The following CAD variants were observed in gnomAD, a reference collection of about 807,000 sequenced individuals.
CAD encodes the protein carbamoyl-phosphate synthetase 2, aspartate transcarbamylase, and dihydroorotase.
In CAD, 81 loss-of-function variants were observed where a neutral mutation model predicts 237.2. The observed-to-expected ratio is 0.34, with a 90% CI of 0.29 to 0.41. CAD has a LOEUF of 0.41. Ranked by LOEUF, CAD falls within the 10% of genes least tolerant of loss-of-function variation. CAD has a pLI of 1.00. For missense variants in CAD, 2,181 were observed against 2,951.7 expected, an observed-to-expected ratio of 0.74 and a Z score of 6.05; for synonymous variants, 1,196 against 1,162.8, an observed-to-expected ratio of 1.03 and a Z score of -0.58.
chr2:27,238,475 C>T lies in CAD; in HGVS notation c.4905C>T (p.Thr1635=), dbSNP rs1488467139. The T allele has an allele frequency of 6.2e-7, 1 of 1,606,552 alleles. No homozygotes were observed. The highest frequency in any genetic ancestry group is 2.2e-5 in the East Asian group (1 of 44,812). Residue 1635 remains threonine, a synonymous_variant, in exon 31 of 44, where the codon ACC becomes ACT. Transcript: ENST00000264705. ...KAAKARGLPV[T]CEVAPHHLFL... Reference sequence around the variant, plus strand: ...CAAAGGCACGGGGCTTGCCAGTGACCTGCGAGGTGGCTCCCCACCACCTGT... The same window carrying T: ...CAAAGGCACGGGGCTTGCCAGTGACTTGCGAGGTGGCTCCCCACCACCTGT...
At position 27,240,134 on chromosome 2, in the gene CAD, GGGAGGCTGA is replaced by G; in HGVS notation, c.5497-128_5497-120del. ...TGCACATCTGTAATCCCAGCTACTT[GGGAGGCTGA>G]GGCAGGAGAATTGCTTGAACCCAGA... On this transcript the variant is annotated intron_variant, in intron 34 of 43. Coordinates refer to ENST00000264705, the MANE Select transcript of CAD (RefSeq NM_004341.5). The surrounding 1 kb of genome is among the most constrained non-coding windows in gnomAD (Gnocchi z 4.6). 1.3e-6 allele frequency: 1 copy of G among 753,192 alleles called. No individual in the cohort carries two copies. 46.7% of individuals were successfully genotyped at this position (753,192 alleles called of 1,614,324 possible). A position where few individuals can be genotyped will look rare whatever the true frequency, so the allele number is the denominator to read the frequency against.
intron 8 of CAD, 33 bp from the exon 9 acceptor site, chr2:27,224,312 T>G: frequency 6.2e-7 from 1 of 1,613,370 alleles, no homozygotes; most frequent in Non-Finnish European, 8.5e-7. Context: ...CCAGCTCAGC[T>G]CTAACATTCT....
rs1675354475 is a variant in CAD at position 27,224,867 on chromosome 2, T to C, written c.1377T>C (p.Tyr459=). 1 of 1,614,174 alleles carries C rather than the reference T, an allele frequency of 6.2e-7. No homozygotes were observed. Among genetic ancestry groups the C allele is most frequent in the Middle Eastern group, 1.6e-4 (1 of 6,062 alleles). The change falls in exon 10 of 44, where the codon TAT becomes TAC. Residue 459 remains tyrosine, a synonymous_variant. Coordinates refer to ENST00000264705, the MANE Select transcript of CAD (RefSeq NM_004341.5). The part of the protein sequence containing the change: ...KVYFLPITPH[Y]VTQVIRNERP... ...ATTTTCTTCCCATAACACCTCATTATGTAACCCAGGTATGACTGGGGCAAG... is the reference window on the plus strand; with the variant it reads ...ATTTTCTTCCCATAACACCTCATTACGTAACCCAGGTATGACTGGGGCAAG...
chr2:27,240,198 G>A lies in CAD; in HGVS notation c.5497-67G>A, dbSNP rs549477127. The stretch of plus-strand genomic sequence containing the variant: ...CACGCCACTGCACTCCAGCCTGAGC[G>A]ACAGAACGAGACTCCGTCTCAAAAG... On this transcript the variant is annotated intron_variant, in intron 34 of 43. Transcript: ENST00000264705. The surrounding 1 kb of genome is among the most constrained non-coding windows in gnomAD (Gnocchi z 4.6). 166 of 1,237,320 alleles carry A rather than the reference G, an allele frequency of 1.3e-4. No individual in the cohort carries two copies. Among genetic ancestry groups the A allele is most frequent in the Middle Eastern group, 6.2e-4 (3 of 4,868 alleles). 76.6% of individuals were successfully genotyped at this position (1,237,320 alleles called of 1,614,324 possible). A position where few individuals can be genotyped will look rare whatever the true frequency, so the allele number is the denominator to read the frequency against.
rs377103397 is a variant in CAD at position 27,242,930 on chromosome 2, G to T, written c.6437G>T (p.Arg2146Leu). Residue 2146 changes from arginine (R) to leucine (L), a missense_variant, in exon 42 of 44, where the codon CGA becomes CTA. Transcript: ENST00000264705. This position sits in a 1 kb window ranked among gnomAD's most constrained non-coding sequence, Gnocchi z 6.4. ...LPDTDVLYMTRIQKERFGSTQ... is the reference protein window; with the variant it reads ...LPDTDVLYMTLIQKERFGSTQ... ...GACACTGATGTGCTCTACATGACTC[G>T]AATCCAGAAGGAACGATTTGGCTCT... is the stretch of plus-strand genomic sequence containing the variant. 50 of 1,609,536 alleles carry T rather than the reference G, an allele frequency of 3.1e-5. No individual in the cohort carries two copies. Among genetic ancestry groups the T allele is most frequent in the Non-Finnish European group, 4.1e-5 (48 of 1,176,364 alleles).
intron 8 of CAD, 63 bp from the exon 9 acceptor site, chr2:27,224,282 A>G: frequency 6.3e-7 from 1 of 1,581,958 alleles, no homozygotes; most frequent in Non-Finnish European, 8.7e-7. Flanking sequence ...GAGGGAGCTA[A>G]TCCAGTTGAC....
rs1163095939 is a variant in CAD at position 27,238,557 on chromosome 2, G to C, written c.4987G>C (p.Glu1663Gln). Reference protein sequence around the residue: ...LGPGKGEVRPELGSRQDVEAL... With the variant: ...LGPGKGEVRPQLGSRQDVEAL... ...GCCTGGGAAGGGGGAGGTCCGGCCTGAGCTTGGCTCCCGCCAGGATGTGGA... is the reference window on the plus strand; with the variant it reads ...GCCTGGGAAGGGGGAGGTCCGGCCTCAGCTTGGCTCCCGCCAGGATGTGGA... The change falls in exon 31 of 44, where the codon GAG (glutamate) becomes CAG (glutamine). Residue 1663 changes from glutamate (E) to glutamine (Q), a missense_variant. Glu to Gln is a conservative substitution (Grantham distance 29). Coordinates refer to ENST00000264705, the MANE Select transcript of CAD (RefSeq NM_004341.5). 1.2e-6 allele frequency: 2 copies of C among 1,614,140 alleles called. No individual in the cohort carries two copies. The highest frequency in any genetic ancestry group is 1.7e-6 in the Non-Finnish European group (2 of 1,180,018).
Position 27,241,589 on chromosome 2 carries a change from A to C in CAD, c.5883+193A>C, listed in dbSNP as rs1196370633. Among the ~76,000 whole-genome samples the C allele has an allele frequency of 1.3e-5, 2 of 152,104 alleles. No individual in the cohort carries two copies. The highest frequency in any genetic ancestry group is 4.8e-5 in the African/African-American group (2 of 41,394). On this transcript the variant is annotated intron_variant, in intron 38 of 43. Transcript: ENST00000264705. The surrounding 1 kb of genome is among the most constrained non-coding windows in gnomAD (Gnocchi z 4.6). ...CAAAGCAGGATTTAGCTGGCTGGGG[A>C]GGCCCTGAGCATGAGACCATCGCCC...
chr2:27,217,532 C>T lies in CAD; in HGVS notation c.-20C>T, dbSNP rs370291092. On this transcript the variant is annotated 5_prime_UTR_variant, in exon 1 of 44. Coordinates refer to ENST00000264705, the MANE Select transcript of CAD (RefSeq NM_004341.5). ...CTTCCCGCTTCTCCGTACTCGCCCC[C>T]GCCTCTGAGCTCCCTTCCCATGGCG... 8.2e-6 allele frequency: 13 copies of T among 1,591,712 alleles called. No homozygotes were observed. The highest frequency in any genetic ancestry group is 1.7e-4 in the Middle Eastern group (1 of 5,832).
At chr2:27,231,181 T>C (rs1203607623) in intron 15 of CAD, among the ~76,000 whole-genome samples, 1 of 152,220 alleles carries the variant, frequency 6.6e-6, no homozygotes, top group Non-Finnish European at 1.5e-5. Context: ...AATTTTTTTG[T>C]ATTTTTAGTA....
At position 27,235,613 on chromosome 2, in the gene CAD, T is replaced by G; in HGVS notation, c.4047T>G (p.Ala1349=). The G allele has an allele frequency of 6.2e-7, 1 of 1,614,174 alleles. No individual in the cohort carries two copies. Among genetic ancestry groups the G allele is most frequent in the Non-Finnish European group, 8.5e-7 (1 of 1,180,000 alleles). Residue 1349 remains alanine, a synonymous_variant, in exon 25 of 44, where the codon GCT becomes GCG. Coordinates refer to ENST00000264705, the MANE Select transcript of CAD (RefSeq NM_004341.5). This position sits in a 1 kb window ranked among gnomAD's most constrained non-coding sequence, Gnocchi z 5.2. ...GYSLYASLGT[A]DFYTEHGVKV... is the part of the protein sequence containing the mutation. The stretch of plus-strand genomic sequence containing the variant: ...GCCTCTATGCCAGTCTCGGCACAGC[T>G]GACTTCTACACTGAGCATGGCGTCA...
chr2:27,240,465 T>C lies in CAD; in HGVS notation c.5593+104T>C. Reference sequence around the variant, plus strand: ...TTACATGTCCTCCTCTCCATCCCTTTATCCTCGTCTGATCTGCCGTGCCAT... The same window carrying C: ...TTACATGTCCTCCTCTCCATCCCTTCATCCTCGTCTGATCTGCCGTGCCAT... On this transcript the variant is annotated intron_variant, in intron 35 of 43. Transcript: ENST00000264705. This position sits in a 1 kb window ranked among gnomAD's most constrained non-coding sequence, Gnocchi z 4.6. The C allele has an allele frequency of 1.4e-6, 2 of 1,479,306 alleles. No homozygotes were observed. The highest frequency in any genetic ancestry group is 9.4e-7 in the Non-Finnish European group (1 of 1,063,736). 91.6% of individuals were successfully genotyped at this position (1,479,306 alleles called of 1,614,324 possible). A position where few individuals can be genotyped will look rare whatever the true frequency, so the allele number is the denominator to read the frequency against.
intron 23 of CAD, 115 bp downstream of exon 23, chr2:27,234,800 G>C: frequency 1.0e-6 from 1 of 1,004,266 alleles, no homozygotes; most frequent in Non-Finnish European, 1.5e-6. Context: ...TTGCCGGATC[G>C]TGGGGGTAAT....
In CAD at chr2:27,239,519, C is replaced by A; in HGVS notation, c.5394+48C>A. Reference sequence around the variant, plus strand: ...ATCTCAGTAGTGCCCTCTTCTGCACCACGTTCATTTCTTCCCTTCCCAGCA... The same window carrying A: ...ATCTCAGTAGTGCCCTCTTCTGCACAACGTTCATTTCTTCCCTTCCCAGCA... On this transcript the variant is annotated intron_variant, in intron 33 of 43. Coordinates refer to ENST00000264705, the MANE Select transcript of CAD (RefSeq NM_004341.5). The surrounding 1 kb of genome is among the most constrained non-coding windows in gnomAD (Gnocchi z 4.0). 1 of 1,593,572 alleles carries A rather than the reference C, an allele frequency of 6.3e-7. No homozygotes were observed. The highest frequency in any genetic ancestry group is 8.6e-7 in the Non-Finnish European group (1 of 1,165,182).
In CAD at chr2:27,226,312, C is replaced by T. The variant is rs768714634; in HGVS notation, c.2024C>T (p.Ser675Phe). The part of the protein sequence containing the change: ...CNVQYALNPE[S>F]EQYYIIEVNA... ...GTGCAGTATGCCTTGAACCCTGAGTCTGAGCAGGTAAGCTCTAGGCCCTGG... is the reference window on the plus strand; with the variant it reads ...GTGCAGTATGCCTTGAACCCTGAGTTTGAGCAGGTAAGCTCTAGGCCCTGG... Residue 675 changes from serine to phenylalanine, a missense_variant, in exon 13 of 44, where the codon TCT becomes TTT. Physicochemically the swap from Ser to Phe is radical, Grantham distance 155 (BLOSUM62 -2). This residue lies in a region of CAD where 385 missense variants were observed against 535.1 expected (regional missense o/e 0.72). Coordinates refer to ENST00000264705, the MANE Select transcript of CAD (RefSeq NM_004341.5). 3.1e-6 allele frequency: 5 copies of T among 1,614,006 alleles called. No homozygotes were observed. In the South Asian group the frequency reaches 5.5e-5, roughly 18 times the overall value.
At chr2:27,226,712 G>T (rs957646880) in intron 14 of CAD, 63 bp downstream of exon 14, 1 of 1,606,120 alleles carries the variant, frequency 6.2e-7, no homozygotes, top group African/African-American at 1.3e-5. Context: ...AAATATTGAT[G>T]GGACAGGGAA....
chr2:27,226,249 AGG>A lies in CAD; in HGVS notation c.1962_1963del (p.Lys654AsnfsTer20). 1 of 1,614,236 alleles carries A rather than the reference AGG, an allele frequency of 6.2e-7. No individual in the cohort carries two copies. The highest frequency in any genetic ancestry group is 8.5e-7 in the Non-Finnish European group (1 of 1,180,034). ...CAGCTCCTGAGGCAGACAGCTATCAAGGTGACCCAGCACCTGGGAATTGTTGG... is the reference window on the plus strand; with the variant it reads ...CAGCTCCTGAGGCAGACAGCTATCAATGACCCAGCACCTGGGAATTGTTGG... On this transcript the variant is annotated frameshift_variant, in exon 13 of 44. Transcript: ENST00000264705. LOFTEE classifies it high-confidence loss of function.
In CAD at chr2:27,223,547, A is replaced by G. The variant is rs1239349068; in HGVS notation, c.810-16A>G. The G allele has an allele frequency of 1.2e-6, 2 of 1,610,944 alleles. No individual in the cohort carries two copies. Among genetic ancestry groups the G allele is most frequent in the East Asian group, 4.5e-5 (2 of 44,852 alleles). On this transcript the variant is annotated splice_polypyrimidine_tract_variant and intron_variant, in intron 6 of 43. Transcript: ENST00000264705. ...GGGTGAGCAGGGCCTGTGACTCGGC[A>G]TGCTTCTACCTCCAGATATGGGAAC...
At position 27,235,753 on chromosome 2, in the gene CAD, TACTC is replaced by T. The variant is rs905431692; in HGVS notation, c.4074+115_4074+118del. The T allele has an allele frequency of 1.8e-5, 15 of 821,736 alleles. No individual in the cohort carries two copies. Among genetic ancestry groups the T allele is most frequent in the African/African-American group, 1.5e-4 (9 of 58,538 alleles). The allele number at this position is 821,736 out of a possible 1,614,324, so 50.9% of individuals were successfully genotyped here. A position where few individuals can be genotyped will look rare whatever the true frequency, so the allele number is the denominator to read the frequency against. ...GGTGGCATATACCTGTAGTCCCAGA[TACTC>T]AGGAGGCTAAGGCAGGAGAATCTCT... is the stretch of plus-strand genomic sequence containing the variant. On this transcript the variant is annotated intron_variant, in intron 25 of 43. Coordinates refer to ENST00000264705, the MANE Select transcript of CAD (RefSeq NM_004341.5). This position sits in a 1 kb window ranked among gnomAD's most constrained non-coding sequence, Gnocchi z 5.2.
Sources: gnomAD v4.1 joint callset for allele counts (sites outside exome capture counted in the v4.1 genomes callset) on GRCh38, gnomAD v4.1.1 for gene constraint, gnomAD v4.1.1 regional missense constraint, Gnocchi (gnomAD v3.1) non-coding constraint, MANE v1.5 for transcripts, NCBI Gene and HGNC (gene_info 2026-07-23, HGNC 2026-07-21) for gene names.